Variants in MYO9A observed in about 807,000 individuals in gnomAD.
MYO9A encodes unconventional myosin-IXa.
Under a neutral mutation model 293.3 loss-of-function variants are expected in MYO9A, and 103 were observed. The observed-to-expected ratio is 0.35, with a 90% CI of 0.30 to 0.41. The LOEUF (loss-of-function observed/expected upper bound fraction) is 0.41, where lower values mean the gene tolerates loss of function less well. Among genes scored for constraint, MYO9A ranks in the 10% least tolerant of loss-of-function variants. The pLI is 1.00. For missense variants in MYO9A, 2,685 were observed against 3,033.0 expected (o/e 0.89, Z 2.69); for synonymous variants, 1,001 against 1,035.7 (o/e 0.97, Z 0.64).
chr15:71,870,547 C>G (rs1404380570), intron 32 of MYO9A, among the ~76,000 whole-genome samples: 1 of 152,046 alleles, frequency 6.6e-6, no homozygotes, highest in Non-Finnish European at 1.5e-5. Flanking sequence ...AAAAGAGAGA[C>G]TAAAAATTTA....
At chr15:72,084,202 T>C (rs4777484) in intron 1 of MYO9A, among the ~76,000 whole-genome samples, 31,224 of 152,248 alleles carry the variant, frequency 0.21, 3,403 homozygotes, top group East Asian at 0.41. Flanking sequence ...ATATTTAGGA[T>C]AGTTAATTCT....
chr15:72,005,710 G>T (rs551411171), intron 8 of MYO9A, among the ~76,000 whole-genome samples: 1 of 152,258 alleles, frequency 6.6e-6, no homozygotes, highest in Non-Finnish European at 1.5e-5. Flanking sequence ...ATAAACGCTG[G>T]GTGGTTAGAT....
At chr15:71,976,217 A>T (rs2076145407) in intron 12 of MYO9A, among the ~76,000 whole-genome samples, 1 of 152,188 alleles carries the variant, frequency 6.6e-6, no homozygotes. Flanking sequence ...TTAGTGGGGA[A>T]AAAACCCCAC....
At chr15:72,032,627 A>C in intron 2 of MYO9A, 39 bp from the exon 3 acceptor site, 1 of 1,522,334 alleles carries the variant, frequency 6.6e-7, no homozygotes, top group South Asian at 1.3e-5. Context: ...TCACTAAAAA[A>C]AAAAAATTTT....
intron 1 of MYO9A, among the ~76,000 whole-genome samples, chr15:72,060,217 CT>C (rs1224707904): frequency 3.3e-5 from 5 of 152,122 alleles, no homozygotes; most frequent in African/African-American, 1.2e-4. Flanking sequence ...TCCCCTTCCA[CT>C]GTCTTCTTTT....
At chr15:71,926,973 G>GGGT (rs941054081) in intron 18 of MYO9A, among the ~76,000 whole-genome samples, 1 of 151,978 alleles carries the variant, frequency 6.6e-6, no homozygotes, top group African/African-American at 2.4e-5. Context: ...TGGGGATGCT[G>GGGT]GGTGGGCTGG....
chr15:72,040,838 A>G (rs1398372171), intron 2 of MYO9A, among the ~76,000 whole-genome samples: 1 of 152,254 alleles, frequency 6.6e-6, no homozygotes, highest in Non-Finnish European at 1.5e-5. Flanking sequence ...TTTAAACTAA[A>G]TAAAAATGAA....
chr15:71,897,342 A>G (rs2057358789), intron 25 of MYO9A, 119 bp downstream of exon 25: 3 of 1,107,014 alleles, frequency 2.7e-6, no homozygotes, highest in Non-Finnish European at 3.8e-6. Context: ...TATTTTTACA[A>G]AGAGAAAATG....
At chr15:72,097,810 T>C (rs995888246) in intron 1 of MYO9A, among the ~76,000 whole-genome samples, 10 of 152,212 alleles carry the variant, frequency 6.6e-5, no homozygotes, top group Non-Finnish European at 1.3e-4. Context: ...CTCAGGAGGC[T>C]GAGGCAGGAG....
Position 71,968,178 on chromosome 15 carries a change from G to T in MYO9A, c.1845-53C>A, listed in dbSNP as rs993337128. On this transcript the variant is annotated intron_variant, in intron 12 of 41. Transcript: ENST00000356056. ...CATTACAGAAAGATGAGAAAGATGC[G>T]GTAATTAGTACAGCCCTTTTCAAAG... 2.1e-6 allele frequency: 3 copies of T among 1,425,750 alleles called. No homozygotes were observed. The Admixed American group carries it at 6.8e-5, about 32-fold the overall frequency. The allele number at this position is 1,425,750 out of a possible 1,614,324, so 88.3% of individuals were successfully genotyped here.
chr15:72,093,288 G>A (rs1056325715), intron 1 of MYO9A, among the ~76,000 whole-genome samples: 1 of 152,302 alleles, frequency 6.6e-6, no homozygotes, highest in East Asian at 1.9e-4. Context: ...AGCACTTTGG[G>A]AGGTTATGGT....
rs2929516 is a variant in MYO9A at position 72,046,082 on chromosome 15, G to A, written c.482C>T (p.Thr161Ile). ...GCGATTTCGTAGGTTTTCTAAGAGAGTTTTCTCATTCAAATCAGGTAAACT... is the reference window on the plus strand; with the variant it reads ...GCGATTTCGTAGGTTTTCTAAGAGAATTTTCTCATTCAAATCAGGTAAACT... The part of the protein sequence containing the change: ...LCSLPDLNEK[T>I]LLENLRNRFK... The change falls in exon 2 of 42, where the codon ACT becomes ATT. Residue 161 changes from threonine (T) to isoleucine (I), a missense_variant. Thr to Ile is a moderately conservative substitution (Grantham distance 89, BLOSUM62 -1). Coordinates refer to ENST00000356056, the MANE Select transcript of MYO9A (RefSeq NM_006901.4). 3.4e-3 allele frequency: 5,528 copies of A among 1,613,750 alleles called. 138 individuals are homozygous for A. In the African/African-American group the frequency reaches 0.055, roughly 16 times the overall value.
chr15:71,840,218 A>T (rs1240583242), intron 39 of MYO9A, among the ~76,000 whole-genome samples: 2 of 152,254 alleles, frequency 1.3e-5, no homozygotes, highest in African/African-American at 4.8e-5. Context: ...GAATTTCACA[A>T]GAGGTTAATT....
chr15:72,041,199 G>T, intron 2 of MYO9A: 2 of 1,372,710 alleles, frequency 1.5e-6, no homozygotes, highest in South Asian at 1.2e-5. Context: ...TTATTTGCAG[G>T]GTTTTATGGC....
chr15:71,880,411 T>C lies in MYO9A; in HGVS notation c.5546A>G (p.His1849Arg), dbSNP rs776236259. The C allele has an allele frequency of 1.9e-6, 3 of 1,614,114 alleles. No homozygotes were observed. In the South Asian group the frequency reaches 3.3e-5, roughly 18 times the overall value. The change falls in exon 29 of 42, where the codon CAT (histidine) becomes CGT (arginine). Residue 1849 changes from histidine (H) to arginine (R), a missense_variant. By Grantham distance (29) the His-to-Arg change is conservative (BLOSUM62 0). Around this residue, in one of 10 missense-constraint regions of MYO9A, gnomAD observed 1,434 missense variants for 1,497.7 expected, o/e 0.96. Coordinates refer to ENST00000356056, the MANE Select transcript of MYO9A (RefSeq NM_006901.4). ...GATCTGGACAGAGTCATTTTGCCAATGCATAGAATCCAAAGCCACGTTGCT... is the reference window on the plus strand; with the variant it reads ...GATCTGGACAGAGTCATTTTGCCAACGCATAGAATCCAAAGCCACGTTGCT... Reference protein sequence around the residue: ...KISNVALDSMHWQNDSVQIIA... With the variant: ...KISNVALDSMRWQNDSVQIIA...
At chr15:71,924,556 T>G (rs1283878175) in intron 18 of MYO9A, among the ~76,000 whole-genome samples, 1 of 152,100 alleles carries the variant, frequency 6.6e-6, no homozygotes, top group Non-Finnish European at 1.5e-5. Flanking sequence ...ATTTGAAATT[T>G]TTTTAACTTA....
intron 19 of MYO9A, among the ~76,000 whole-genome samples, chr15:71,912,645 T>C (rs987398792): frequency 6.6e-6 from 1 of 152,254 alleles, no homozygotes; most frequent in South Asian, 2.1e-4. Context: ...CATGTGGTTT[T>C]CCCATCATTT....
chr15:71,922,848 C>T (rs2058190612), intron 18 of MYO9A, among the ~76,000 whole-genome samples: 1 of 151,966 alleles, frequency 6.6e-6, no homozygotes, highest in South Asian at 2.1e-4. Context: ...TAGTGTCTTC[C>T]TCCTTTCCAA....
intron 2 of MYO9A, among the ~76,000 whole-genome samples, chr15:72,044,791 T>C (rs1481911771): frequency 1.3e-5 from 2 of 152,240 alleles, no homozygotes; most frequent in Non-Finnish European, 2.9e-5. Context: ...CAAAAATATT[T>C]TCACCAACCA....
Sources: gnomAD v4.1 joint callset for allele counts (sites outside exome capture counted in the v4.1 genomes callset) on GRCh38, gnomAD v4.1.1 for gene constraint, gnomAD v4.1.1 regional missense constraint, MANE v1.5 for transcripts, NCBI Gene and HGNC (gene_info 2026-07-23, HGNC 2026-07-21) for gene names.